The following ARHGAP15 variants were observed in gnomAD, a reference collection of about 807,000 sequenced individuals.
ARHGAP15 encodes Rho GTPase activating protein 15.
In ARHGAP15, 51 loss-of-function variants were observed where a neutral mutation model predicts 63.7. That is an observed-to-expected ratio of 0.80 (90% CI 0.64 to 1.01). The LOEUF (loss-of-function observed/expected upper bound fraction) is 1.01, where lower values mean the gene tolerates loss of function less well. Ranked by LOEUF, ARHGAP15 falls within the 50% of genes least tolerant of loss-of-function variation. The probability of loss-of-function intolerance (pLI) is 0.00; values close to 1 mark genes in which losing one functional copy is unlikely to be tolerated. For missense variants in ARHGAP15, 560 were observed against 564.6 expected (o/e 0.99, Z 0.08); for synonymous variants, 191 against 193.8 (o/e 0.99, Z 0.12).
At chr2:143,471,889 C>A (rs1033938204) in intron 8 of ARHGAP15, 3 of 152,146 alleles carry the variant, frequency 2.0e-5, no homozygotes, top group East Asian at 1.9e-4. Flanking sequence ...TGAAAAGTGA[C>A]GGAAATTACC....
rs561331699 is a variant in ARHGAP15 at position 143,666,030 on chromosome 2, G to T, written c.1139-37389G>T. On this transcript the variant is annotated intron_variant, in intron 12 of 13. Coordinates refer to ENST00000295095, the MANE Select transcript of ARHGAP15 (RefSeq NM_018460.4). ...ACAGATTCAATGCCAACCCCATCAA[G>T]CTACCAATGACTTTCTTCACAGAAT... Among the ~76,000 whole-genome samples, 12 of 151,058 alleles carry T rather than the reference G, an allele frequency of 7.9e-5. 1 individual carries two copies. The South Asian group carries it at 1.1e-3, about 13-fold the overall frequency.
chr2:143,724,666 G>T (rs1685203856), intron 13 of ARHGAP15, among the ~76,000 whole-genome samples: 1 of 152,124 alleles, frequency 6.6e-6, no homozygotes, highest in Non-Finnish European at 1.5e-5. Flanking sequence ...TGGGAATTAG[G>T]TTTTTAGAGG....
chr2:143,136,689 G>T (rs1046976193), intron 1 of ARHGAP15, among the ~76,000 whole-genome samples: 5 of 152,054 alleles, frequency 3.3e-5, no homozygotes, highest in African/African-American at 1.2e-4. Flanking sequence ...GATATGGAAA[G>T]AGAAAATGTA....
At chr2:143,244,521 A>C (rs190929628) in intron 5 of ARHGAP15, among the ~76,000 whole-genome samples, 1 of 152,360 alleles carries the variant, frequency 6.6e-6, no homozygotes, top group African/African-American at 2.4e-5. Flanking sequence ...GAATGAATGC[A>C]TACTCAAATC....
At chr2:143,227,415 G>T (rs1693252253) in intron 4 of ARHGAP15, among the ~76,000 whole-genome samples, 1 of 152,168 alleles carries the variant, frequency 6.6e-6, no homozygotes, top group Non-Finnish European at 1.5e-5. Context: ...CCTTTGTAAA[G>T]ATGAACTGAT....
rs1169693992 is a variant in ARHGAP15 at position 143,700,966 on chromosome 2, A to G, written c.1139-2453A>G. On this transcript the variant is annotated intron_variant, in intron 12 of 13. Coordinates refer to ENST00000295095, the MANE Select transcript of ARHGAP15 (RefSeq NM_018460.4). Reference sequence around the variant, plus strand: ...TTTGGCAGAAAAGATGAGGTCTGGTATAGGCTATGATGTTGCAACTTTCTT... The same window carrying G: ...TTTGGCAGAAAAGATGAGGTCTGGTGTAGGCTATGATGTTGCAACTTTCTT... 3.3e-5 allele frequency among the ~76,000 whole-genome samples: 5 copies of G among 152,280 alleles called. No homozygotes were observed. The East Asian group carries it at 7.7e-4, about 23-fold the overall frequency.
At chr2:143,186,882 G>A (rs1265608896) in intron 2 of ARHGAP15, among the ~76,000 whole-genome samples, 1 of 152,232 alleles carries the variant, frequency 6.6e-6, no homozygotes, top group Non-Finnish European at 1.5e-5. Flanking sequence ...ACATTAGTGA[G>A]AGAGTTATTT....
intron 6 of ARHGAP15, among the ~76,000 whole-genome samples, chr2:143,267,145 G>T (rs1436099036): frequency 6.6e-6 from 1 of 152,054 alleles, no homozygotes; most frequent in Non-Finnish European, 1.5e-5. Flanking sequence ...ACACTAGTTG[G>T]CATGGTAAAG....
At chr2:143,349,056 T>C (rs1685438727) in intron 6 of ARHGAP15, among the ~76,000 whole-genome samples, 1 of 152,212 alleles carries the variant, frequency 6.6e-6, no homozygotes, top group Admixed American at 6.5e-5. Flanking sequence ...CATACAAATA[T>C]AACATGTCAA....
rs951997148 is a variant in ARHGAP15, at chr2:143,768,272, C to T, written c.*100C>T. 32 of 1,076,266 alleles carry T rather than the reference C, an allele frequency of 3.0e-5. No individual in the cohort carries two copies. Among genetic ancestry groups the T allele is most frequent in the South Asian group, 1.7e-4 (10 of 58,652 alleles). 66.7% of individuals were successfully genotyped at this position (1,076,266 alleles called of 1,614,324 possible). ...TCTGAAATATTTTTTGCCTTTCAAG[C>T]GACAGATGCCTCATTTTGTGAAAAC... On this transcript the variant is annotated 3_prime_UTR_variant, in exon 14 of 14. Coordinates refer to ENST00000295095, the MANE Select transcript of ARHGAP15 (RefSeq NM_018460.4).
At chr2:143,284,219 G>A (rs1681986759) in intron 6 of ARHGAP15, among the ~76,000 whole-genome samples, 1 of 152,174 alleles carries the variant, frequency 6.6e-6, no homozygotes, top group Non-Finnish European at 1.5e-5. Flanking sequence ...ACATACAGAA[G>A]TGCAGTGAGC....
At chr2:143,215,850 A>G (rs183308547) in intron 3 of ARHGAP15, among the ~76,000 whole-genome samples, 15 of 152,354 alleles carry the variant, frequency 9.8e-5, no homozygotes, top group African/African-American at 3.6e-4. Context: ...ATCCTACATC[A>G]TGGAAGAAGA....
Position 143,764,944 on chromosome 2 carries a change from T to G in ARHGAP15, c.1245-3045T>G, listed in dbSNP as rs552426507. On this transcript the variant is annotated intron_variant, in intron 13 of 13. Transcript: ENST00000295095. ...CCTTCAATACAGTCTTGCTTTTGCT[T>G]CTACCTTCTCCATGGCCCATGACCT... 3.3e-5 allele frequency among the ~76,000 whole-genome samples: 5 copies of G among 152,324 alleles called. No individual in the cohort carries two copies. In the East Asian group the frequency reaches 9.6e-4, roughly 29 times the overall value.
chr2:143,303,980 C>A lies in ARHGAP15; in HGVS notation c.474+53380C>A, dbSNP rs933332302. Reference sequence around the variant, plus strand: ...CAGGTGCTGGAGAGGATGTGGAGAACTAGAAACACTTTTACACTGTTGGTG... The same window carrying A: ...CAGGTGCTGGAGAGGATGTGGAGAAATAGAAACACTTTTACACTGTTGGTG... On this transcript the variant is annotated intron_variant, in intron 6 of 13. Transcript: ENST00000295095. 8.5e-5 allele frequency among the ~76,000 whole-genome samples: 13 copies of A among 152,058 alleles called. No individual in the cohort carries two copies. In the South Asian group the frequency reaches 1.2e-3, roughly 15 times the overall value.
chr2:143,674,336 G>A (rs1355283117), intron 12 of ARHGAP15, among the ~76,000 whole-genome samples: 2 of 152,210 alleles, frequency 1.3e-5, no homozygotes, highest in Middle Eastern at 3.4e-3. Flanking sequence ...TGGATGAATC[G>A]TTAAAATTTT....
In ARHGAP15 at chr2:143,732,301, AGCATTTGGAACCTCATAGCAT is replaced by A. The variant is rs573759503; in HGVS notation, c.1244+28788_1244+28808del. Among the ~76,000 whole-genome samples the A allele has an allele frequency of 1.1e-4, 16 of 152,310 alleles. No homozygotes were observed. In the South Asian group the frequency reaches 1.7e-3, roughly 16 times the overall value. ...AATAAAATTTGGCCCAAATCCAACA[AGCATTTGGAACCTCATAGCAT>A]GCATTTGGAATACTACCTTCATCCC... On this transcript the variant is annotated intron_variant, in intron 13 of 13. Transcript: ENST00000295095.
chr2:143,300,424 G>A lies in ARHGAP15; in HGVS notation c.474+49824G>A, dbSNP rs569315402. The stretch of plus-strand genomic sequence containing the variant: ...CAAGTTATCTCTAAGCATCCATTTG[G>A]TTGTCCATATAGGATCCTCAGTGTA... On this transcript the variant is annotated intron_variant, in intron 6 of 13. Coordinates refer to ENST00000295095, the MANE Select transcript of ARHGAP15 (RefSeq NM_018460.4). Among the ~76,000 whole-genome samples the A allele has an allele frequency of 2.0e-5, 3 of 152,038 alleles. No individual in the cohort carries two copies. In the South Asian group the frequency reaches 6.2e-4, roughly 32 times the overall value.
intron 5 of ARHGAP15, chr2:143,235,802 A>C: frequency 1.1e-6 from 1 of 906,052 alleles, no homozygotes. Flanking sequence ...TGTCTGTTTG[A>C]TTTATCTTCT....
At chr2:143,537,211 T>A (rs1156718886) in intron 10 of ARHGAP15, among the ~76,000 whole-genome samples, 1 of 152,096 alleles carries the variant, frequency 6.6e-6, no homozygotes, top group Non-Finnish European at 1.5e-5. Context: ...CTTTGCCCAC[T>A]TTTTGACGAG....
Sources: gnomAD v4.1 joint callset for allele counts (sites outside exome capture counted in the v4.1 genomes callset) on GRCh38, gnomAD v4.1.1 for gene constraint, MANE v1.5 for transcripts, NCBI Gene and HGNC (gene_info 2026-07-23, HGNC 2026-07-21) for gene names.